Variants in LRBA observed in about 807,000 individuals in gnomAD.
LRBA encodes LPS responsive beige-like anchor protein, also known as lipopolysaccharide-responsive and beige-like anchor protein.
A neutral mutation model predicts 330.0 loss-of-function variants in LRBA; 176 were observed. The ratio of observed to expected loss-of-function variants is 0.53; its 90% CI spans 0.47 to 0.60. The LOEUF (loss-of-function observed/expected upper bound fraction) is 0.60, where lower values mean the gene tolerates loss of function less well. Among genes scored for constraint, LRBA ranks in the 20% least tolerant of loss-of-function variants. LRBA has a pLI of 0.00. For missense variants in LRBA, 3,259 were observed against 3,444.8 expected, an observed-to-expected ratio of 0.95 and a Z score of 1.35; for synonymous variants, 1,230 against 1,193.0, an observed-to-expected ratio of 1.03 and a Z score of -0.64.
intron 48 of LRBA, among the ~76,000 whole-genome samples, chr4:150,326,887 T>G (rs990980593): frequency 6.6e-6 from 1 of 152,094 alleles, no homozygotes; most frequent in Non-Finnish European, 1.5e-5. Flanking sequence ...CTCAAATTAA[T>G]AAGAATAAAA....
intron 2 of LRBA, among the ~76,000 whole-genome samples, chr4:150,983,601 C>T (rs950486627): frequency 2.6e-5 from 4 of 151,298 alleles, no homozygotes; most frequent in East Asian, 1.9e-4. Flanking sequence ...TACAGGTGCC[C>T]GCCACCATAC....
At chr4:150,554,481 T>A (rs1386725305) in intron 40 of LRBA, among the ~76,000 whole-genome samples, 1 of 152,206 alleles carries the variant, frequency 6.6e-6, no homozygotes, top group Non-Finnish European at 1.5e-5. Context: ...GTTATTTTGC[T>A]TATTATCTGT....
intron 28 of LRBA, 40 bp downstream of exon 28, chr4:150,844,060 A>G: frequency 8.3e-7 from 1 of 1,209,962 alleles, no homozygotes. Context: ...GGAAATATGC[A>G]TCAGTTAAGA....
chr4:150,873,840 T>A (rs1003591907), intron 17 of LRBA, among the ~76,000 whole-genome samples: 11 of 152,092 alleles, frequency 7.2e-5, no homozygotes, highest in Admixed American at 3.9e-4. Flanking sequence ...ATCTTCAACC[T>A]CTAGTGATCA....
intron 16 of LRBA, among the ~76,000 whole-genome samples, chr4:150,895,156 G>T (rs1282316048): frequency 1.3e-5 from 2 of 151,688 alleles, no homozygotes; most frequent in Admixed American, 6.6e-5. Flanking sequence ...CAATTCCTAA[G>T]TTTTACTAAT....
chr4:150,329,945 A>G (rs1044010923), intron 48 of LRBA, among the ~76,000 whole-genome samples: 54 of 152,316 alleles, frequency 3.5e-4, no homozygotes, highest in African/African-American at 1.3e-3. Flanking sequence ...ATCGATTATT[A>G]TAACAGTCTC....
intron 44 of LRBA, among the ~76,000 whole-genome samples, chr4:150,461,368 T>C (rs1008687378): frequency 4.6e-5 from 7 of 151,800 alleles, no homozygotes; most frequent in African/African-American, 1.4e-4. Context: ...CTCAAACAAA[T>C]TGAGCAGAAG....
chr4:150,528,757 G>C (rs907653578), intron 40 of LRBA, among the ~76,000 whole-genome samples: 4 of 152,130 alleles, frequency 2.6e-5, no homozygotes, highest in Admixed American at 6.6e-5. Flanking sequence ...ATTTTTAAAA[G>C]GGGTTAGCAA....
intron 40 of LRBA, chr4:150,581,545 T>TAA (rs35940180): frequency 1.3e-3 from 238 of 180,580 alleles, no homozygotes; most frequent in East Asian, 3.9e-3. Context: ...TAGAATCATT[T>TAA]AAAAAAAAAA....
chr4:150,961,755 CAGT>C (rs1738172259), intron 2 of LRBA, among the ~76,000 whole-genome samples: 1 of 149,162 alleles, frequency 6.7e-6, no homozygotes, highest in African/African-American at 2.6e-5. Context: ...AAAGCGGTAG[CAGT>C]AGATGAATGT....
At chr4:150,385,806 A>G (rs898152517) in intron 47 of LRBA, among the ~76,000 whole-genome samples, 3 of 152,160 alleles carry the variant, frequency 2.0e-5, no homozygotes, top group African/African-American at 7.2e-5. Context: ...GCAGAGTAAA[A>G]AGGAAGCATT....
At chr4:150,740,853 A>T (rs72959871) in intron 35 of LRBA, among the ~76,000 whole-genome samples, 10,005 of 152,096 alleles carry the variant, frequency 0.066, 1,027 homozygotes, top group African/African-American at 0.22. Flanking sequence ...TACATGAGAC[A>T]TTCTTAAAGA....
At chr4:150,608,891 A>G (rs1015537598) in intron 37 of LRBA, among the ~76,000 whole-genome samples, 1 of 152,196 alleles carries the variant, frequency 6.6e-6, no homozygotes, top group African/African-American at 2.4e-5. Flanking sequence ...TTCACTCAGC[A>G]TAATGTTTTT....
chr4:150,889,943 A>G (rs886355518), intron 17 of LRBA, among the ~76,000 whole-genome samples: 2 of 152,236 alleles, frequency 1.3e-5, no homozygotes, highest in Non-Finnish European at 2.9e-5. Flanking sequence ...AAATCATTAT[A>G]GAAGAGTCAG....
chr4:150,716,848 G>C (rs987576942), intron 36 of LRBA, among the ~76,000 whole-genome samples: 11 of 152,180 alleles, frequency 7.2e-5, no homozygotes, highest in African/African-American at 2.7e-4. Flanking sequence ...AGTCGACAGA[G>C]GCTATGGGGA....
Position 150,842,380 on chromosome 4 carries a change from A to C in LRBA, c.4569+1720T>G, listed in dbSNP as rs141226828. Among the ~76,000 whole-genome samples, 924 of 152,216 alleles carry C rather than the reference A, an allele frequency of 6.1e-3. 4 individuals are homozygous for C. The highest frequency in any genetic ancestry group is 0.01 in the Non-Finnish European group (698 of 67,988). ...TAGCTCACGGTAACCTTGACCTCCT[A>C]GGCTCAAGCGATCCTCCCCACCTCA... On this transcript the variant is annotated intron_variant, in intron 28 of 56. Coordinates refer to ENST00000651943, the MANE Select transcript of LRBA (RefSeq NM_001364905.1).
At chr4:150,857,480 C>T in intron 22 of LRBA, among the ~76,000 whole-genome samples, 1 of 152,080 alleles carries the variant, frequency 6.6e-6, no homozygotes, top group East Asian at 1.9e-4. Flanking sequence ...TAAAAACAGT[C>T]TAAACAGATG....
At chr4:150,439,423 A>T (rs1751531846) in intron 44 of LRBA, among the ~76,000 whole-genome samples, 1 of 152,134 alleles carries the variant, frequency 6.6e-6, no homozygotes, top group African/African-American at 2.4e-5. Context: ...TGGTTTCTGA[A>T]GCCTGCTATA....
chr4:150,275,079 C>T (rs1746585411), intron 56 of LRBA, among the ~76,000 whole-genome samples: 1 of 152,180 alleles, frequency 6.6e-6, no homozygotes, highest in Non-Finnish European at 1.5e-5. Flanking sequence ...AGCTTATCCA[C>T]CATGATCAAG....
Sources: allele counts gnomAD v4.1 joint callset (sites outside exome capture counted in the v4.1 genomes callset), GRCh38; gene constraint gnomAD v4.1.1; transcripts MANE v1.5; gene names NCBI Gene and HGNC (gene_info 2026-07-23, HGNC 2026-07-21).